The following COL4A6 variants were observed in gnomAD, a reference collection of about 807,000 sequenced individuals.
COL4A6 encodes the protein collagen alpha-6(IV) chain.
COL4A6 carries 59 observed loss-of-function variants against 126.7 expected under a neutral mutation model. The observed-to-expected ratio is 0.47, with a 90% CI of 0.38 to 0.58. The LOEUF is 0.58. COL4A6 is among the 20% of genes least tolerant of loss of function. The pLI, the probability that COL4A6 is intolerant of heterozygous loss-of-function variation, is 0.00. For missense variants in COL4A6, 1,285 were observed against 1,337.3 expected (o/e 0.96, Z 0.61); for synonymous variants, 547 against 496.6 (o/e 1.10, Z -1.35).
intron 23 of COL4A6, among the ~76,000 whole-genome samples, chrX:108,184,292 TA>T (rs2034783373): frequency 8.9e-6 from 1 of 112,552 alleles, no homozygotes; most frequent in African/African-American, 3.2e-5. Context: ...TGCTCTTTAT[TA>T]AAGTAATTTC....
At chrX:108,334,724 G>A (rs992097220) in intron 2 of COL4A6, among the ~76,000 whole-genome samples, 7 of 111,281 alleles carry the variant, frequency 6.3e-5, no homozygotes, top group Admixed American at 2.9e-4. Flanking sequence ...TAGTAAATTC[G>A]AGTCTTCAGA....
At chrX:108,290,837 G>A (rs893411856) in intron 3 of COL4A6, among the ~76,000 whole-genome samples, 4 of 112,368 alleles carry the variant, frequency 3.6e-5, no homozygotes, top group African/African-American at 1.3e-4. Flanking sequence ...CCTGTGCTCT[G>A]CTACCTGTGT....
In COL4A6 at chrX:108,208,526, A is replaced by G. The variant is rs757350877; in HGVS notation, c.546+1443T>C. On this transcript the variant is annotated intron_variant, in intron 8 of 44. Coordinates refer to ENST00000334504, the MANE Select transcript of COL4A6 (RefSeq NM_033641.4). ...AAATCAAACTAGAAATCCATAATAG[A>G]AAGATAGCTGGAAAGTTACTAAATA... 5.3e-5 allele frequency among the ~76,000 whole-genome samples: 6 copies of G among 112,502 alleles called. No homozygotes were observed. The East Asian group carries it at 1.7e-3, about 31-fold the overall frequency.
chrX:108,224,745 T>C (rs1429697295), intron 3 of COL4A6, among the ~76,000 whole-genome samples: 1 of 112,077 alleles, frequency 8.9e-6, no homozygotes. Context: ...TGATCTTTTT[T>C]CCTCATCTCT....
intron 2 of COL4A6, among the ~76,000 whole-genome samples, chrX:108,368,864 T>C (rs1177126570): frequency 1.8e-5 from 2 of 111,255 alleles, no homozygotes; most frequent in Non-Finnish European, 3.8e-5. Context: ...CTCATCCTAG[T>C]GGGTGTTTGG....
At chrX:108,380,572 T>C (rs984524917) in intron 2 of COL4A6, among the ~76,000 whole-genome samples, 7 of 112,574 alleles carry the variant, frequency 6.2e-5, no homozygotes, top group Non-Finnish European at 9.4e-5. Context: ...TCACCACTAC[T>C]GATCTGTCTC....
At chrX:108,383,699 G>T in intron 2 of COL4A6, 1 of 506,077 alleles carries the variant, frequency 2.0e-6, no homozygotes, top group Admixed American at 2.8e-5. Context: ...GGAGAGAGTG[G>T]TAACTTTACT....
At position 108,170,845 on chromosome X, in the gene COL4A6, C is replaced by T. The variant is rs2034279098; in HGVS notation, c.3350G>A (p.Gly1117Asp). The change falls in exon 34 of 45, where the codon GGT becomes GAT. Residue 1117 changes from glycine (G) to aspartate (D), a missense_variant. Gly to Asp is a moderately conservative substitution (Grantham distance 94). Coordinates refer to ENST00000334504, the MANE Select transcript of COL4A6 (RefSeq NM_033641.4). ...PGNKGEDGKV[G>D]VSGDVGLPGA... is the part of the protein sequence containing the mutation. ...AGGAAGGCCAACATCTCCAGAAACA[C>T]CAACTTTTCCATCTTCACCTTTGTT... The T allele has an allele frequency of 8.2e-7, 1 of 1,212,335 alleles. No individual in the cohort carries two copies. The highest frequency in any genetic ancestry group is 1.8e-5 in the South Asian group (1 of 57,043).
intron 2 of COL4A6, among the ~76,000 whole-genome samples, chrX:108,381,759 TAAC>T (rs928891218): frequency 9.2e-4 from 103 of 111,837 alleles, no homozygotes; most frequent in African/African-American, 3.2e-3. Flanking sequence ...AAAGTTTCAT[TAAC>T]AACAACAACA....
chrX:108,221,820 C>A (rs1335343790), intron 3 of COL4A6, among the ~76,000 whole-genome samples: 1 of 112,482 alleles, frequency 8.9e-6, no homozygotes, highest in African/African-American at 3.2e-5. Context: ...AAGAACATTG[C>A]CCCAGGGGGC....
At chrX:108,225,942 G>A (rs1468821027) in intron 3 of COL4A6, among the ~76,000 whole-genome samples, 7 of 112,652 alleles carry the variant, frequency 6.2e-5, no homozygotes. Flanking sequence ...AGAGGGATTT[G>A]TAAAGCAAAG....
At chrX:108,277,586 A>AGTAACCT (rs2037649031) in intron 3 of COL4A6, among the ~76,000 whole-genome samples, 1 of 112,390 alleles carries the variant, frequency 8.9e-6, no homozygotes, top group African/African-American at 3.2e-5. Context: ...AAAAGACAGC[A>AGTAACCT]GTAACCTCTG....
chrX:108,255,058 C>G (rs773206680), intron 3 of COL4A6, among the ~76,000 whole-genome samples: 1 of 108,793 alleles, frequency 9.2e-6, no homozygotes, highest in East Asian at 2.9e-4. Flanking sequence ...TTCTCTAGAT[C>G]TGCCAGGAAA....
chrX:108,156,676 C>T lies in COL4A6; in HGVS notation c.*324G>A, dbSNP rs1251501383. On this transcript the variant is annotated 3_prime_UTR_variant, in exon 45 of 45. Coordinates refer to ENST00000334504, the MANE Select transcript of COL4A6 (RefSeq NM_033641.4). ...ATTAGGAAGAGCTTTCCGATCAAGA[C>T]GGTAAGGAGAAAGCTAGCAGTCTAA... 3 of 298,881 alleles carry T rather than the reference C, an allele frequency of 1.0e-5. No individual in the cohort carries two copies. Among genetic ancestry groups the T allele is most frequent in the South Asian group, 9.4e-5 (1 of 10,587 alleles). The allele number at this position is 298,881 out of a possible 1,213,427, so 24.6% of individuals were successfully genotyped here. A position where few individuals can be genotyped will look rare whatever the true frequency, so the allele number is the denominator to read the frequency against.
chrX:108,343,159 A>G lies in COL4A6; in HGVS notation c.64-32331T>C, dbSNP rs1339710096. ...AATATATATATATATATATATATAT[A>G]TATATAGTGTGTGTGTGTGTGTGTG... On this transcript the variant is annotated intron_variant, in intron 2 of 44. Coordinates refer to ENST00000334504, the MANE Select transcript of COL4A6 (RefSeq NM_033641.4). Among the ~76,000 whole-genome samples, 312 of 68,899 alleles carry G rather than the reference A, an allele frequency of 4.5e-3. 3 individuals carry two copies. The highest frequency in any genetic ancestry group is 0.012 in the African/African-American group (206 of 17,723). 59.8% of individuals were successfully genotyped at this position (68,899 alleles called of 115,157 possible). A position where few individuals can be genotyped will look rare whatever the true frequency, so the allele number is the denominator to read the frequency against.
At chrX:108,168,246 C>T (rs181251951) in intron 37 of COL4A6, among the ~76,000 whole-genome samples, 1 of 111,962 alleles carries the variant, frequency 8.9e-6, no homozygotes, top group Admixed American at 9.5e-5. Context: ...ATCCAGTCCC[C>T]TTTTCCCTAT....
At chrX:108,299,719 C>G (rs1462303208) in intron 3 of COL4A6, among the ~76,000 whole-genome samples, 1 of 111,959 alleles carries the variant, frequency 8.9e-6, no homozygotes, top group South Asian at 3.8e-4. Flanking sequence ...AGCATTTTTT[C>G]TTTTGGTCTT....
intron 3 of COL4A6, among the ~76,000 whole-genome samples, chrX:108,243,844 T>C (rs577754724): frequency 1.8e-5 from 2 of 111,686 alleles, no homozygotes; most frequent in African/African-American, 6.5e-5. Flanking sequence ...AATTCACCAG[T>C]TAATTACAGG....
At chrX:108,323,513 T>A (rs1046539083) in intron 2 of COL4A6, among the ~76,000 whole-genome samples, 3 of 111,780 alleles carry the variant, frequency 2.7e-5, no homozygotes, top group African/African-American at 9.8e-5. Context: ...AGCATGATAT[T>A]TAAGGGCACT....
Sources: gnomAD v4.1 joint callset for allele counts (sites outside exome capture counted in the v4.1 genomes callset) on GRCh38, gnomAD v4.1.1 for gene constraint, MANE v1.5 for transcripts, NCBI Gene and HGNC (gene_info 2026-07-23, HGNC 2026-07-21) for gene names.